The following PTPRM variants were observed in gnomAD, a reference collection of about 807,000 sequenced individuals.
PTPRM encodes protein tyrosine phosphatase receptor type M.
A neutral mutation model predicts 186.7 loss-of-function variants in PTPRM; 47 were observed. That is an observed-to-expected ratio of 0.25 (90% CI 0.20 to 0.32). The LOEUF (loss-of-function observed/expected upper bound fraction) is 0.32. Among genes scored for constraint, PTPRM ranks in the 10% least tolerant of loss-of-function variants. The probability of loss-of-function intolerance (pLI) is 1.00; values close to 1 mark genes in which losing one functional copy is unlikely to be tolerated. For synonymous variants in PTPRM, 668 were observed against 674.9 expected (o/e 0.99, Z 0.16); for missense variants, 1,494 against 1,865.0 (o/e 0.80, Z 3.66).
intron 1 of PTPRM, among the ~76,000 whole-genome samples, chr18:7,627,986 T>C (rs1395587982): frequency 6.6e-6 from 1 of 152,186 alleles, no homozygotes; most frequent in Non-Finnish European, 1.5e-5. Context: ...AGCCACCTTA[T>C]TTTGTCTAAA....
rs539957670 is a variant in PTPRM, at chr18:8,118,325, T to C, written c.2167+3498T>C. ...GTGCCTCCTTGATTTATAAAAGTGC[T>C]TTGGGGTTTTTTTGGGTTTTGATAT... On this transcript the variant is annotated intron_variant, in intron 13 of 32. Coordinates refer to ENST00000580170, the MANE Select transcript of PTPRM (RefSeq NM_001105244.2). Among the ~76,000 whole-genome samples, 4 of 152,272 alleles carry C rather than the reference T, an allele frequency of 2.6e-5. No individual in the cohort carries two copies. The South Asian group carries it at 8.3e-4, about 32-fold the overall frequency.
intron 4 of PTPRM, 38 bp downstream of exon 4, chr18:7,906,621 T>C (rs367596486): frequency 4.1e-5 from 60 of 1,450,542 alleles, no homozygotes; most frequent in Middle Eastern, 1.7e-4. Flanking sequence ...GGGTACATCA[T>C]TGGGGGCATG....
At chr18:7,923,561 G>A (rs1276490076) in intron 4 of PTPRM, among the ~76,000 whole-genome samples, 6 of 152,198 alleles carry the variant, frequency 3.9e-5, no homozygotes, top group Non-Finnish European at 8.8e-5. Context: ...AGAGTTCCCA[G>A]CAATGGAAAA....
In PTPRM at chr18:8,117,473, G is replaced by A. The variant is rs189130958; in HGVS notation, c.2167+2646G>A. Among the ~76,000 whole-genome samples, 205 of 151,882 alleles carry A rather than the reference G, an allele frequency of 1.3e-3. 1 individual carries two copies. The East Asian group carries it at 0.024, about 18-fold the overall frequency. On this transcript the variant is annotated intron_variant, in intron 13 of 32. Coordinates refer to ENST00000580170, the MANE Select transcript of PTPRM (RefSeq NM_001105244.2). The stretch of plus-strand genomic sequence containing the variant: ...GAGCTAGCTTATAATTTAAAGTAAG[G>A]GTATGTCTCTTAAAAATATATTTCA...
At chr18:8,147,444 CTGTT>C (rs1179152069) in intron 14 of PTPRM, among the ~76,000 whole-genome samples, 4 of 152,238 alleles carry the variant, frequency 2.6e-5, no homozygotes, top group Admixed American at 1.3e-4. Flanking sequence ...ATTTGGCTCT[CTGTT>C]TGTCTGTTAT....
intron 13 of PTPRM, 149 bp from the exon 14 acceptor site, chr18:8,143,498 T>A: frequency 1.3e-6 from 1 of 779,634 alleles, no homozygotes; most frequent in Non-Finnish European, 2.0e-6. Flanking sequence ...TCAGTGCATA[T>A]GAAAGCTGTT....
chr18:8,370,297 T>C (rs539657802), intron 23 of PTPRM, among the ~76,000 whole-genome samples: 6 of 152,218 alleles, frequency 3.9e-5, no homozygotes, highest in African/African-American at 1.4e-4. Context: ...GCATGCAAAA[T>C]TCTTCCACCT....
At position 8,143,666 on chromosome 18, in the gene PTPRM, A is replaced by C; in HGVS notation, c.2187A>C (p.Pro729=). 1 of 1,603,076 alleles carries C rather than the reference A, an allele frequency of 6.2e-7. No individual in the cohort carries two copies. The highest frequency in any genetic ancestry group is 1.1e-5 in the South Asian group (1 of 90,890). The stretch of plus-strand genomic sequence containing the variant: ...CTTCAGGAGCTGCCACTCCGAAACC[A>C]GTCCCAGAACCCGAGAAACAGACAG... ...VATKGAATPK[P]VPEPEKQTDH... Residue 729 remains proline (P), a synonymous_variant, in exon 14 of 33, where the codon CCA becomes CCC. Coordinates refer to ENST00000580170, the MANE Select transcript of PTPRM (RefSeq NM_001105244.2).
intron 5 of PTPRM, among the ~76,000 whole-genome samples, chr18:7,933,138 A>C (rs146619516): frequency 1.8e-3 from 268 of 152,332 alleles, no homozygotes; most frequent in Middle Eastern, 6.8e-3. Flanking sequence ...TCAGGATCAC[A>C]GTGCTTATGT....
chr18:7,758,854 G>A (rs1568087873), intron 1 of PTPRM, among the ~76,000 whole-genome samples: 1 of 152,164 alleles, frequency 6.6e-6, no homozygotes, highest in African/African-American at 2.4e-5. Flanking sequence ...TCAGTGAAGT[G>A]TACTGCTGAA....
At chr18:8,211,905 AC>A (rs2094011267) in intron 14 of PTPRM, among the ~76,000 whole-genome samples, 1 of 151,900 alleles carries the variant, frequency 6.6e-6, no homozygotes, top group South Asian at 2.1e-4. Flanking sequence ...GTGGCCATGC[AC>A]TCGTCAGCAT....
chr18:7,951,532 T>G (rs995675610), intron 6 of PTPRM, among the ~76,000 whole-genome samples: 50 of 152,304 alleles, frequency 3.3e-4, no homozygotes, highest in Admixed American at 7.8e-4. Context: ...ATGAATAGAT[T>G]CGTATTCATA....
chr18:8,270,145 A>G (rs1214659053), intron 19 of PTPRM: 3 of 152,028 alleles, frequency 2.0e-5, no homozygotes, highest in African/African-American at 7.2e-5. Flanking sequence ...AGAAAAAGCA[A>G]CCTACAGAAT....
chr18:7,592,097 T>A (rs1436560698), intron 1 of PTPRM, among the ~76,000 whole-genome samples: 1 of 152,232 alleles, frequency 6.6e-6, no homozygotes, highest in Non-Finnish European at 1.5e-5. Context: ...TTGCATTACA[T>A]ATTTTAGCAT....
At chr18:7,995,127 T>C (rs1249565433) in intron 7 of PTPRM, among the ~76,000 whole-genome samples, 1 of 151,928 alleles carries the variant, frequency 6.6e-6, no homozygotes, top group East Asian at 1.9e-4. Flanking sequence ...AAAGGAGACA[T>C]TACAATTGAT....
In PTPRM at chr18:8,057,138, A is replaced by G. The variant is rs1328413083; in HGVS notation, c.1133-12548A>G. Among the ~76,000 whole-genome samples the G allele has an allele frequency of 3.3e-5, 5 of 151,208 alleles. No homozygotes were observed. In the East Asian group the frequency reaches 9.7e-4, roughly 29 times the overall value. Reference sequence around the variant, plus strand: ...TAGATATATATAATAAAAGTACAAAACCATGTTTGGGAATGATAGATAATA... The same window carrying G: ...TAGATATATATAATAAAAGTACAAAGCCATGTTTGGGAATGATAGATAATA... On this transcript the variant is annotated intron_variant, in intron 7 of 32. Coordinates refer to ENST00000580170, the MANE Select transcript of PTPRM (RefSeq NM_001105244.2).
chr18:8,264,340 C>T (rs538195797), intron 19 of PTPRM, among the ~76,000 whole-genome samples: 23 of 152,278 alleles, frequency 1.5e-4, no homozygotes, highest in Admixed American at 1.5e-3. Flanking sequence ...GACAGTTTCA[C>T]AGCTCATAAA....
chr18:8,154,240 G>T (rs1300481520), intron 14 of PTPRM, among the ~76,000 whole-genome samples: 1 of 152,184 alleles, frequency 6.6e-6, no homozygotes, highest in Non-Finnish European at 1.5e-5. Flanking sequence ...ACTGCCTCGG[G>T]TGTGGATTTC....
intron 2 of PTPRM, among the ~76,000 whole-genome samples, chr18:7,844,624 C>T (rs1599020639): frequency 6.6e-6 from 1 of 152,272 alleles, no homozygotes; most frequent in Non-Finnish European, 1.5e-5. Flanking sequence ...AATTACTTGA[C>T]AAGGTCTCAG....
Sources: allele counts gnomAD v4.1 joint callset (sites outside exome capture counted in the v4.1 genomes callset), GRCh38; gene constraint gnomAD v4.1.1; transcripts MANE v1.5; gene names NCBI Gene and HGNC (gene_info 2026-07-23, HGNC 2026-07-21).